Variants in MAP7D2 observed in about 807,000 individuals in gnomAD.
MAP7D2 encodes the protein MAP7 domain containing 2.
A neutral mutation model predicts 63.5 loss-of-function variants in MAP7D2; 33 were observed. The ratio of observed to expected loss-of-function variants is 0.52; its 90% CI spans 0.39 to 0.70. MAP7D2 has a LOEUF of 0.70. Ranked by LOEUF, MAP7D2 falls within the 30% of genes least tolerant of loss-of-function variation. MAP7D2 has a pLI of 0.00. For missense variants in MAP7D2, 626 were observed against 604.0 expected, an observed-to-expected ratio of 1.04 and a Z score of -0.38; for synonymous variants, 224 against 223.7, an observed-to-expected ratio of 1.00 and a Z score of -0.01.
chrX:20,089,151 T>C (rs1371299369), intron 1 of MAP7D2, among the ~76,000 whole-genome samples: 1 of 112,192 alleles, frequency 8.9e-6, no homozygotes, highest in Non-Finnish European at 1.9e-5. Context: ...TTTTTATATA[T>C]GATGCAAGGT....
Position 20,007,838 on chromosome X carries a change from G to C in MAP7D2, c.*587C>G, listed in dbSNP as rs1001894027. The C allele has an allele frequency of 4.5e-5, 5 of 111,909 alleles. No individual in the cohort carries two copies. The highest frequency in any genetic ancestry group is 1.6e-4 in the African/African-American group (5 of 30,781). 9.2% of individuals were successfully genotyped at this position (111,909 alleles called of 1,213,427 possible). ...ACTTTAACCCCAGAAGAATAATGTG[G>C]GGCAATGCATTTCTGCAGGTGGCAA... On this transcript the variant is annotated 3_prime_UTR_variant, in exon 17 of 17. Transcript: ENST00000379643.
intron 3 of MAP7D2, among the ~76,000 whole-genome samples, chrX:20,057,990 A>G (rs2065107832): frequency 1.8e-5 from 2 of 112,670 alleles, no homozygotes; most frequent in Admixed American, 1.9e-4. Context: ...CCTCCTCTAC[A>G]TAATTTTTCT....
intron 1 of MAP7D2, among the ~76,000 whole-genome samples, chrX:20,089,845 C>A (rs757100538): frequency 9.0e-6 from 1 of 111,688 alleles, no homozygotes; most frequent in Middle Eastern, 4.6e-3. Context: ...TCTCCTCCCT[C>A]GTTCCCCCTT....
At chrX:20,072,321 T>G (rs918022162) in intron 1 of MAP7D2, among the ~76,000 whole-genome samples, 1 of 111,022 alleles carries the variant, frequency 9.0e-6, no homozygotes, top group African/African-American at 3.3e-5. Flanking sequence ...ACCTTTTTCC[T>G]CTTTACTTCA....
chrX:20,063,392 G>A lies in MAP7D2; in HGVS notation c.372+22C>T, dbSNP rs775838375. 20 of 1,203,843 alleles carry A rather than the reference G, an allele frequency of 1.7e-5. 2 individuals carry two copies. In the South Asian group the frequency reaches 2.7e-4, roughly 16 times the overall value. On this transcript the variant is annotated intron_variant, in intron 3 of 16. Transcript: ENST00000379643. ...CCTGCTGAGGGGGCTGGAAGGTGGC[G>A]GAGGGTGCACCTGGGCCTTACCTCC...
Position 20,075,053 on chromosome X carries a change from AAAAC to A in MAP7D2, c.131-10252_131-10249del, listed in dbSNP as rs761754766. ...GGGTGACAGAATGAGACTCCATCTC[AAAAC>A]AAACAAACAAACAAACAAAAACAGT... On this transcript the variant is annotated intron_variant, in intron 1 of 16. Transcript: ENST00000379643. Among the ~76,000 whole-genome samples, 1,117 of 111,896 alleles carry A rather than the reference AAAAC, an allele frequency of 1.0e-2. 6 individuals are homozygous for A. The highest frequency in any genetic ancestry group is 0.018 in the Middle Eastern group (4 of 219).
chrX:20,077,443 ACT>A (rs1240662624), intron 1 of MAP7D2, among the ~76,000 whole-genome samples: 5 of 111,208 alleles, frequency 4.5e-5, no homozygotes, highest in East Asian at 2.8e-4. Flanking sequence ...TCAGAATAAG[ACT>A]CTGTCTAAAA....
chrX:20,101,052 A>G (rs1447247307), intron 1 of MAP7D2, among the ~76,000 whole-genome samples: 1 of 110,902 alleles, frequency 9.0e-6, no homozygotes, highest in Admixed American at 9.6e-5. Flanking sequence ...AAACAAAAAA[A>G]GAAGTTGGAA....
chrX:20,022,701 G>A (rs1445478877), intron 10 of MAP7D2, among the ~76,000 whole-genome samples: 1 of 111,966 alleles, frequency 8.9e-6, no homozygotes, highest in African/African-American at 3.2e-5. Context: ...GGAACACAGA[G>A]CTCATGAAAG....
intron 8 of MAP7D2, among the ~76,000 whole-genome samples, chrX:20,033,711 T>C (rs1159224603): frequency 9.0e-6 from 1 of 111,582 alleles, no homozygotes; most frequent in Non-Finnish European, 1.9e-5. Flanking sequence ...ATGGGTGAGT[T>C]CATAGGGCTA....
chrX:20,023,168 T>C (rs928583727), intron 10 of MAP7D2, among the ~76,000 whole-genome samples: 2 of 112,127 alleles, frequency 1.8e-5, no homozygotes, highest in African/African-American at 6.5e-5. Flanking sequence ...AAACGGACAA[T>C]AAAACAAGAC....
chrX:20,031,173 C>T (rs948726284), intron 8 of MAP7D2, among the ~76,000 whole-genome samples: 1 of 110,066 alleles, frequency 9.1e-6, no homozygotes, highest in Non-Finnish European at 1.9e-5. Flanking sequence ...GCCTGTAGTC[C>T]CAGCTACTCG....
At chrX:20,022,221 T>TTGGAGGTG (rs2073677730) in intron 10 of MAP7D2, among the ~76,000 whole-genome samples, 1 of 110,926 alleles carries the variant, frequency 9.0e-6, no homozygotes, top group South Asian at 3.8e-4. Flanking sequence ...AAGCACAGCT[T>TTGGAGGTG]TGGAGGTGTG....
intron 1 of MAP7D2, among the ~76,000 whole-genome samples, chrX:20,115,239 T>TAAAA (rs748101570): frequency 1.4e-5 from 1 of 70,094 alleles, no homozygotes. Context: ...TTGTTTCCAT[T>TAAAA]AAAAAAAAAA....
At chrX:20,024,215 A>G (rs2073759588) in intron 10 of MAP7D2, among the ~76,000 whole-genome samples, 2 of 112,056 alleles carry the variant, frequency 1.8e-5, no homozygotes, top group Non-Finnish European at 3.8e-5. Context: ...CTCTAAATAA[A>G]AAGATCAGAA....
chrX:20,103,873 CTT>C (rs2066499823), intron 1 of MAP7D2, among the ~76,000 whole-genome samples: 1 of 111,259 alleles, frequency 9.0e-6, no homozygotes, highest in African/African-American at 3.3e-5. Flanking sequence ...CTGATATAAT[CTT>C]TACATGCCAA....
chrX:20,051,208 G>C (rs1269562371), intron 5 of MAP7D2, among the ~76,000 whole-genome samples: 4 of 111,264 alleles, frequency 3.6e-5, no homozygotes. Context: ...ACAGTAACCT[G>C]TATCACTCAG....
chrX:20,041,820 T>C (rs894937875), intron 8 of MAP7D2, among the ~76,000 whole-genome samples: 2 of 112,171 alleles, frequency 1.8e-5, no homozygotes, highest in African/African-American at 3.2e-5. Flanking sequence ...AAAGTTATTG[T>C]AAATTTTTCA....
At chrX:20,027,760 GA>G (rs1569516358) in intron 8 of MAP7D2, among the ~76,000 whole-genome samples, 5 of 51,570 alleles carry the variant, frequency 9.7e-5, no homozygotes, top group African/African-American at 1.8e-4. Flanking sequence ...GGCGGGGGGA[GA>G]GAGAGAGAGA....
Sources: allele counts gnomAD v4.1 joint callset (sites outside exome capture counted in the v4.1 genomes callset), GRCh38; gene constraint gnomAD v4.1.1; transcripts MANE v1.5; gene names NCBI Gene and HGNC (gene_info 2026-07-23, HGNC 2026-07-21).